ASAP1: variants seen among roughly 807,000 people sequenced by gnomAD.
ASAP1 encodes the protein arf-GAP with SH3 domain, ANK repeat and PH domain-containing protein 1.
ASAP1 carries 43 observed loss-of-function variants against 145.2 expected under a neutral mutation model. That is an observed-to-expected ratio of 0.30 (90% confidence interval 0.23 to 0.38). The LOEUF is 0.38. Among genes scored for constraint, ASAP1 ranks in the 10% least tolerant of loss-of-function variants. The pLI, the probability that ASAP1 is intolerant of heterozygous loss-of-function variation, is 1.00. For missense variants in ASAP1, 1,018 were observed against 1,355.3 expected (o/e 0.75, Z 3.91); for synonymous variants, 546 against 515.5 (o/e 1.06, Z -0.80).
rs1467949058 is a variant in ASAP1, at chr8:130,141,013, A to C, written c.1081-3975T>G. 2.6e-5 allele frequency among the ~76,000 whole-genome samples: 4 copies of C among 152,188 alleles called. No individual in the cohort carries two copies. The East Asian group carries it at 7.7e-4, about 29-fold the overall frequency. On this transcript the variant is annotated intron_variant, in intron 13 of 29. Coordinates refer to ENST00000518721, the MANE Select transcript of ASAP1 (RefSeq NM_018482.4). The stretch of plus-strand genomic sequence containing the variant: ...AAGCACTTTCTTGACATTTAGTACT[A>C]ATTTATAGGTATATTGATTGGAGAC...
intron 18 of ASAP1, among the ~76,000 whole-genome samples, chr8:130,122,529 C>T (rs2097568131): frequency 1.3e-5 from 2 of 152,216 alleles, no homozygotes; most frequent in African/African-American, 2.4e-5. Flanking sequence ...AGACCAAATG[C>T]TGCTCCAAGC....
Position 130,369,066 on chromosome 8 carries a change from G to A in ASAP1, c.60-10923C>T, listed in dbSNP as rs538670228. Among the ~76,000 whole-genome samples the A allele has an allele frequency of 2.3e-3, 352 of 152,266 alleles. 1 individual carries two copies. Among genetic ancestry groups the A allele is most frequent in the African/African-American group, 8.2e-3 (341 of 41,542 alleles). ...GTAAAATGGGGATAATGATATTTAC[G>A]TCAAAGGATTGTTATACAGAATCAA... On this transcript the variant is annotated intron_variant, in intron 2 of 29. Transcript: ENST00000518721.
intron 7 of ASAP1, 27 bp from the exon 8 acceptor site, chr8:130,180,907 T>TTA (rs1554840884): frequency 1.5e-6 from 2 of 1,323,032 alleles, no homozygotes; most frequent in African/African-American, 1.5e-5. Flanking sequence ...TGTCATTATT[T>TTA]AAAAAAAAAA....
intron 5 of ASAP1, among the ~76,000 whole-genome samples, chr8:130,210,487 G>A (rs1285837590): frequency 6.6e-6 from 1 of 152,170 alleles, no homozygotes; most frequent in African/African-American, 2.4e-5. Flanking sequence ...CAAAAAGTTT[G>A]AGAACTACCA....
intron 3 of ASAP1, among the ~76,000 whole-genome samples, chr8:130,300,153 C>CACACACACAGAGAGAGAG (rs1196584279): frequency 1.3e-4 from 10 of 76,926 alleles, no homozygotes; most frequent in East Asian, 4.9e-4. Context: ...CACACACACA[C>CACACACACAGAGAGAGAG]AGAGAGAGAG....
At chr8:130,195,011 A>G (rs1339640146) in intron 5 of ASAP1, 1 of 152,298 alleles carries the variant, frequency 6.6e-6, no homozygotes, top group Non-Finnish European at 1.5e-5. Flanking sequence ...TATCTTCAAT[A>G]AATTTTTAAA....
chr8:130,264,805 C>T (rs575156289), intron 3 of ASAP1, among the ~76,000 whole-genome samples: 1 of 152,084 alleles, frequency 6.6e-6, no homozygotes, highest in East Asian at 1.9e-4. Flanking sequence ...TGTCAACACA[C>T]GATGATCACT....
At chr8:130,388,161 C>A (rs1828110512) in intron 2 of ASAP1, among the ~76,000 whole-genome samples, 1 of 152,166 alleles carries the variant, frequency 6.6e-6, no homozygotes, top group African/African-American at 2.4e-5. Flanking sequence ...AAGCAGGGTC[C>A]TGAGACAGGA....
Position 130,092,081 on chromosome 8 carries a change from G to C in ASAP1, c.2464C>G (p.Leu822Val), listed in dbSNP as rs1216222675. The C allele has an allele frequency of 1.3e-6, 2 of 1,570,878 alleles. No homozygotes were observed. The highest frequency in any genetic ancestry group is 2.0e-5 in the Admixed American group (1 of 49,394). ...GGGGGAGGAGGCCTCTTCTTGGATA[G>C]GGTGGAGCTGCCACTAGAGGTCTGG... The part of the protein sequence containing the change: ...STQTSSGSST[L>V]SKKRPPPPPP... The change falls in exon 25 of 30, where the codon CTA becomes GTA. Residue 822 changes from leucine to valine, a missense_variant. Coordinates refer to ENST00000518721, the MANE Select transcript of ASAP1 (RefSeq NM_018482.4).
intron 29 of ASAP1, among the ~76,000 whole-genome samples, chr8:130,057,013 C>T (rs1264783538): frequency 6.6e-6 from 1 of 152,206 alleles, no homozygotes; most frequent in African/African-American, 2.4e-5. Flanking sequence ...GATGTCTTTC[C>T]CTCCTGATGC....
In ASAP1 at chr8:130,072,831, G is replaced by GCGCGCGCGCGCGC. The variant is rs58907739; in HGVS notation, c.2701+3516_2701+3517insGCGCGCGCGCGCG. On this transcript the variant is annotated intron_variant, in intron 27 of 29. Transcript: ENST00000518721. The stretch of plus-strand genomic sequence containing the variant: ...TGTGTGTGTGTGTGTGTGTGCGCGC[G>GCGCGCGCGCGCGC]GGGGGGGGCAGTTTTGGGGACTGAG... 3.7e-3 allele frequency among the ~76,000 whole-genome samples: 412 copies of GCGCGCGCGCGCGC among 110,744 alleles called. 19 individuals carry two copies. Among genetic ancestry groups the GCGCGCGCGCGCGC allele is most frequent in the African/African-American group, 0.013 (355 of 27,912 alleles). The allele number at this position is 110,744 out of a possible 152,430, so 72.7% of individuals were successfully genotyped here.
chr8:130,324,354 C>CT (rs1824198411), intron 3 of ASAP1, among the ~76,000 whole-genome samples: 1 of 152,146 alleles, frequency 6.6e-6, no homozygotes, highest in South Asian at 2.1e-4. Flanking sequence ...CCGAAACTGT[C>CT]TAAGGCTGTC....
intron 7 of ASAP1, 55 bp from the exon 8 acceptor site, chr8:130,180,935 TAC>T: frequency 6.8e-7 from 1 of 1,478,394 alleles, no homozygotes; most frequent in Non-Finnish European, 9.2e-7. Context: ...TCATGTACAA[TAC>T]CAACAGCAGA....
chr8:130,182,845 A>AAAC (rs1418240212), intron 7 of ASAP1, among the ~76,000 whole-genome samples: 1 of 150,912 alleles, frequency 6.6e-6, no homozygotes, highest in African/African-American at 2.4e-5. Context: ...AAAAAAAAAA[A>AAAC]AAAAACCCAA....
intron 3 of ASAP1, among the ~76,000 whole-genome samples, chr8:130,301,556 G>GT (rs1565187614): frequency 1.3e-5 from 2 of 152,214 alleles, no homozygotes; most frequent in South Asian, 4.2e-4. Context: ...TGGCAGTGGT[G>GT]TTTTTTTCTT....
chr8:130,108,106 A>G (rs1408791129), intron 24 of ASAP1, among the ~76,000 whole-genome samples: 2 of 152,248 alleles, frequency 1.3e-5, no homozygotes, highest in African/African-American at 4.8e-5. Context: ...TTCAACAACA[A>G]GCATCTATTG....
At chr8:130,198,503 A>AG (rs1565079636) in intron 5 of ASAP1, among the ~76,000 whole-genome samples, 1 of 152,186 alleles carries the variant, frequency 6.6e-6, no homozygotes, top group African/African-American at 2.4e-5. Flanking sequence ...TCTGCAAGGC[A>AG]GTCTCCATAA....
At chr8:130,098,313 C>T (rs1291008040) in intron 24 of ASAP1, among the ~76,000 whole-genome samples, 1 of 152,174 alleles carries the variant, frequency 6.6e-6, no homozygotes, top group African/African-American at 2.4e-5. Context: ...AGGGACATAA[C>T]TGAGTTATCA....
Position 130,060,683 on chromosome 8 carries a change from C to A in ASAP1, c.3088G>T (p.Val1030Leu). Residue 1030 changes from valine to leucine, a missense_variant, in exon 28 of 30, where the codon GTG (valine) becomes TTG (leucine). Coordinates refer to ENST00000518721, the MANE Select transcript of ASAP1 (RefSeq NM_018482.4). ...TTTTGGATGGCGTCTCTGGACTGCA[C>A]ATTTGGGGATAGATCCAATGGGTGT... ...KSHPLDLSPN[V>L]QSRDAIQKQA... 1 of 1,614,150 alleles carries A rather than the reference C, an allele frequency of 6.2e-7. No individual in the cohort carries two copies.
Sources: gnomAD v4.1 joint callset for allele counts (sites outside exome capture counted in the v4.1 genomes callset) on GRCh38, gnomAD v4.1.1 for gene constraint, MANE v1.5 for transcripts, NCBI Gene and HGNC (gene_info 2026-07-23, HGNC 2026-07-21) for gene names.